The following PDGFC variants were observed in gnomAD, a reference collection of about 807,000 sequenced individuals.
The protein encoded by PDGFC is platelet-derived growth factor C.
In PDGFC, 12 loss-of-function variants were observed where a neutral mutation model predicts 35.5. That is an observed-to-expected ratio of 0.34 (90% CI 0.22 to 0.55). The LOEUF (loss-of-function observed/expected upper bound fraction) is 0.55, where lower values mean the gene tolerates loss of function less well. PDGFC is among the 20% of genes least tolerant of loss of function. The probability of loss-of-function intolerance (pLI) is 0.91; values close to 1 mark genes in which losing one functional copy is unlikely to be tolerated. For missense variants in PDGFC, 322 were observed against 412.4 expected (o/e 0.78, Z 1.90); for synonymous variants, 159 against 148.8 (o/e 1.07, Z -0.50).
intron 1 of PDGFC, among the ~76,000 whole-genome samples, chr4:156,941,390 A>G (rs891293585): frequency 6.6e-6 from 1 of 152,168 alleles, no homozygotes; most frequent in Non-Finnish European, 1.5e-5. Flanking sequence ...ACAACCATGA[A>G]AGGTTATTGC....
intron 3 of PDGFC, among the ~76,000 whole-genome samples, chr4:156,785,379 T>G (rs1731094352): frequency 6.6e-6 from 1 of 152,022 alleles, no homozygotes; most frequent in Non-Finnish European, 1.5e-5. Context: ...TTTTTGCACT[T>G]TGTATTTTGT....
chr4:156,965,535 C>T (rs933864005), intron 1 of PDGFC, among the ~76,000 whole-genome samples: 2 of 152,014 alleles, frequency 1.3e-5, no homozygotes, highest in African/African-American at 4.8e-5. Flanking sequence ...GAAAAAAGAC[C>T]TCTCTGAGGA....
intron 3 of PDGFC, among the ~76,000 whole-genome samples, chr4:156,805,092 G>A (rs536144386): frequency 1.3e-5 from 2 of 152,092 alleles, no homozygotes; most frequent in East Asian, 1.9e-4. Flanking sequence ...CACCATGATC[G>A]TCATATGAAA....
At chr4:156,764,006 TG>T (rs1730452900) in intron 5 of PDGFC, among the ~76,000 whole-genome samples, 1 of 152,220 alleles carries the variant, frequency 6.6e-6, no homozygotes, top group Non-Finnish European at 1.5e-5. Context: ...AAGTATTTGG[TG>T]TTGCTACCTA....
intron 1 of PDGFC, among the ~76,000 whole-genome samples, chr4:156,912,561 T>C (rs961208464): frequency 6.6e-6 from 1 of 152,088 alleles, no homozygotes. Flanking sequence ...TGGAGAAATG[T>C]ATGTGGAGGG....
chr4:156,854,184 T>C (rs1476129843), intron 1 of PDGFC, among the ~76,000 whole-genome samples: 1 of 152,126 alleles, frequency 6.6e-6, no homozygotes, highest in African/African-American at 2.4e-5. Flanking sequence ...TTTTTTCCCA[T>C]CAGATTTATT....
chr4:156,911,149 A>C (rs1731029566), intron 1 of PDGFC, among the ~76,000 whole-genome samples: 1 of 152,136 alleles, frequency 6.6e-6, no homozygotes. Context: ...TTTTATGAGA[A>C]GGTTTCATGA....
intron 1 of PDGFC, among the ~76,000 whole-genome samples, chr4:156,931,892 C>T (rs927512385): frequency 1.3e-5 from 2 of 151,796 alleles, no homozygotes; most frequent in African/African-American, 2.4e-5. Flanking sequence ...ATTTTAAAGA[C>T]TTCTTTCTTT....
chr4:156,955,212 C>G (rs1009785036), intron 1 of PDGFC, among the ~76,000 whole-genome samples: 1 of 151,994 alleles, frequency 6.6e-6, no homozygotes, highest in Non-Finnish European at 1.5e-5. Flanking sequence ...ACACCCCAGG[C>G]ACTAACTCAC....
intron 1 of PDGFC, among the ~76,000 whole-genome samples, chr4:156,921,527 A>G (rs995254231): frequency 6.6e-6 from 1 of 151,872 alleles, no homozygotes; most frequent in African/African-American, 2.4e-5. Context: ...AAAAAAGAAA[A>G]TTAGAAAGAG....
chr4:156,944,212 A>C (rs1019554919), intron 1 of PDGFC, among the ~76,000 whole-genome samples: 4 of 152,134 alleles, frequency 2.6e-5, no homozygotes, highest in African/African-American at 9.7e-5. Context: ...AATTTCACTC[A>C]AATGTCTTCT....
At chr4:156,923,848 C>T (rs1579102568) in intron 1 of PDGFC, among the ~76,000 whole-genome samples, 1 of 152,020 alleles carries the variant, frequency 6.6e-6, no homozygotes, top group Non-Finnish European at 1.5e-5. Flanking sequence ...ACTTATGCAG[C>T]TCATAGTGCT....
chr4:156,865,133 C>T (rs188151971), intron 1 of PDGFC, among the ~76,000 whole-genome samples: 194 of 151,800 alleles, frequency 1.3e-3, no homozygotes, highest in African/African-American at 4.3e-3. Context: ...ACTTTTTCAT[C>T]ATGAAGCAAA....
chr4:156,808,984 T>G (rs1254549556), intron 3 of PDGFC, among the ~76,000 whole-genome samples: 1 of 152,178 alleles, frequency 6.6e-6, no homozygotes, highest in Admixed American at 6.6e-5. Flanking sequence ...CTTACACTTA[T>G]TAGGCAATGT....
At chr4:156,881,618 G>A (rs967396573) in intron 1 of PDGFC, among the ~76,000 whole-genome samples, 4 of 152,070 alleles carry the variant, frequency 2.6e-5, no homozygotes, top group African/African-American at 9.7e-5. Flanking sequence ...ATCGCCTGGA[G>A]TCAGGAGTCC....
chr4:156,798,430 T>C (rs992269947), intron 3 of PDGFC, among the ~76,000 whole-genome samples: 1 of 152,116 alleles, frequency 6.6e-6, no homozygotes, highest in African/African-American at 2.4e-5. Flanking sequence ...TGTAGCAAGG[T>C]AGAGGAAACA....
intron 1 of PDGFC, among the ~76,000 whole-genome samples, chr4:156,955,393 C>T (rs72683371): frequency 0.015 from 2,216 of 151,474 alleles, 27 homozygotes; most frequent in Non-Finnish European, 0.026. Flanking sequence ...AATGTTTTCA[C>T]CACGAAAAAA....
intron 1 of PDGFC, among the ~76,000 whole-genome samples, chr4:156,892,718 A>G (rs982562733): frequency 6.6e-6 from 1 of 152,182 alleles, no homozygotes; most frequent in Non-Finnish European, 1.5e-5. Context: ...CAGGCAAAGG[A>G]TTTTGGTTGG....
chr4:156,831,560 C>T (rs1056471924), intron 2 of PDGFC, among the ~76,000 whole-genome samples: 23 of 150,188 alleles, frequency 1.5e-4, no homozygotes, highest in Non-Finnish European at 3.1e-4. Flanking sequence ...TCTCCTGCCT[C>T]AGCCTCCTGA....
Sources: gnomAD v4.1 joint callset for allele counts (sites outside exome capture counted in the v4.1 genomes callset) on GRCh38, gnomAD v4.1.1 for gene constraint, MANE v1.5 for transcripts, NCBI Gene and HGNC (gene_info 2026-07-23, HGNC 2026-07-21) for gene names.